LAMA2: variants seen among roughly 807,000 people sequenced by gnomAD.
LAMA2 encodes laminin subunit alpha 2.
In LAMA2, 269 loss-of-function variants were observed where a neutral mutation model predicts 364.8. That is an observed-to-expected ratio of 0.74 (90% CI 0.67 to 0.82). LAMA2 has a LOEUF of 0.82. Ranked by LOEUF, LAMA2 falls within the 40% of genes least tolerant of loss-of-function variation. The pLI is 0.00. For missense variants in LAMA2, 3,807 were observed against 3,873.2 expected (o/e 0.98, Z 0.45); for synonymous variants, 1,379 against 1,370.6 (o/e 1.01, Z -0.14).
intron 49 of LAMA2, among the ~76,000 whole-genome samples, chr6:129,463,200 CAA>C (rs2114806320): frequency 6.6e-6 from 1 of 152,050 alleles, no homozygotes; most frequent in South Asian, 2.1e-4. Flanking sequence ...TACCAGACAT[CAA>C]GGTTCAAAAG....
chr6:129,379,125 A>G (rs748610766), intron 34 of LAMA2, among the ~76,000 whole-genome samples: 13 of 152,340 alleles, frequency 8.5e-5, no homozygotes, highest in South Asian at 2.1e-4. Context: ...CAAATACTGT[A>G]TGTCCCACTT....
intron 15 of LAMA2, among the ~76,000 whole-genome samples, chr6:129,266,036 C>G (rs533458060): frequency 6.6e-6 from 1 of 152,020 alleles, no homozygotes; most frequent in South Asian, 2.1e-4. Context: ...GGAACATTTC[C>G]ACGGAGCATA....
chr6:129,454,070 C>T (rs916137797), intron 46 of LAMA2, 85 bp from the exon 47 acceptor site: 71 of 1,057,296 alleles, frequency 6.7e-5, no homozygotes, highest in Middle Eastern at 4.0e-4. Flanking sequence ...CTGCAAATGG[C>T]GCTTATTGAA....
intron 58 of LAMA2, among the ~76,000 whole-genome samples, chr6:129,498,753 C>T (rs574704244): frequency 2.0e-5 from 3 of 152,230 alleles, no homozygotes; most frequent in African/African-American, 4.8e-5. Context: ...AACAAAGATG[C>T]CAGTTTTGAT....
At chr6:129,217,416 A>ATACTCTCC (rs1783498996) in intron 12 of LAMA2, among the ~76,000 whole-genome samples, 1 of 152,178 alleles carries the variant, frequency 6.6e-6, no homozygotes, top group Non-Finnish European at 1.5e-5. Flanking sequence ...TAGCAATTAT[A>ATACTCTCC]TACTCTCCTC....
chr6:128,883,464 C>A, intron 1 of LAMA2, 107 bp downstream of exon 1: 5 of 1,526,198 alleles, frequency 3.3e-6, no homozygotes, highest in Non-Finnish European at 4.4e-6. Flanking sequence ...TCTTGCTTCG[C>A]CTTCAGAGAG....
chr6:128,960,036 G>C (rs1327790035), intron 1 of LAMA2, among the ~76,000 whole-genome samples: 1 of 152,100 alleles, frequency 6.6e-6, no homozygotes, highest in Non-Finnish European at 1.5e-5. Context: ...TTTTCACATT[G>C]AAGTTGAAGA....
chr6:128,990,427 G>A (rs910212555), intron 1 of LAMA2, among the ~76,000 whole-genome samples: 3 of 152,090 alleles, frequency 2.0e-5, no homozygotes, highest in South Asian at 2.1e-4. Flanking sequence ...CTTCAAATAC[G>A]AATATGCATT....
chr6:129,239,412 C>A (rs1360770009), intron 12 of LAMA2, among the ~76,000 whole-genome samples: 4 of 152,136 alleles, frequency 2.6e-5, no homozygotes, highest in Admixed American at 6.5e-5. Flanking sequence ...AATTGCAGAG[C>A]AGGAAGCAGG....
At chr6:129,026,532 A>G (rs1045708021) in intron 1 of LAMA2, among the ~76,000 whole-genome samples, 2 of 152,212 alleles carry the variant, frequency 1.3e-5, no homozygotes, top group Admixed American at 6.5e-5. Context: ...GTTAGAAGAA[A>G]GAGAATTTAT....
intron 12 of LAMA2, among the ~76,000 whole-genome samples, chr6:129,235,858 A>T (rs1784949941): frequency 6.6e-6 from 1 of 152,128 alleles, no homozygotes; most frequent in South Asian, 2.1e-4. Flanking sequence ...TATATGTGTG[A>T]TGAAATGTGC....
chr6:129,202,823 G>A (rs972823218), intron 12 of LAMA2, among the ~76,000 whole-genome samples: 5 of 152,192 alleles, frequency 3.3e-5, no homozygotes, highest in African/African-American at 1.2e-4. Context: ...TTGAAAGAAT[G>A]TGTCACAGAC....
At chr6:129,499,051 T>C (rs1311674210) in intron 58 of LAMA2, among the ~76,000 whole-genome samples, 2 of 152,140 alleles carry the variant, frequency 1.3e-5, no homozygotes, top group Non-Finnish European at 2.9e-5. Context: ...ACTGCTCTAA[T>C]CAACAGGTGC....
intron 3 of LAMA2, among the ~76,000 whole-genome samples, chr6:129,060,262 G>T (rs776351388): frequency 6.6e-6 from 1 of 152,168 alleles, no homozygotes; most frequent in Non-Finnish European, 1.5e-5. Context: ...TGTGCTGATG[G>T]TGTGTGCACT....
intron 12 of LAMA2, among the ~76,000 whole-genome samples, chr6:129,245,083 T>C (rs889917067): frequency 2.0e-5 from 3 of 152,158 alleles, no homozygotes; most frequent in East Asian, 1.9e-4. Flanking sequence ...TGGAGGTAAA[T>C]TTTTTCCTGC....
At chr6:128,963,212 C>A (rs557649636) in intron 1 of LAMA2, among the ~76,000 whole-genome samples, 1 of 151,912 alleles carries the variant, frequency 6.6e-6, no homozygotes, top group Admixed American at 6.6e-5. Flanking sequence ...GTATTTTTAC[C>A]TTTCTTCCCT....
At chr6:129,270,904 CT>C (rs1411615230) in intron 17 of LAMA2, among the ~76,000 whole-genome samples, 153 bp downstream of exon 17, 6 of 152,024 alleles carry the variant, frequency 3.9e-5, no homozygotes, top group Admixed American at 6.6e-5. Context: ...TTTTTCAAAC[CT>C]AAGATATTTA....
At chr6:128,961,999 C>T (rs1463022869) in intron 1 of LAMA2, among the ~76,000 whole-genome samples, 1 of 150,530 alleles carries the variant, frequency 6.6e-6, no homozygotes, top group Non-Finnish European at 1.5e-5. Flanking sequence ...ACACTTCTTG[C>T]TGTGGTTTGC....
intron 1 of LAMA2, among the ~76,000 whole-genome samples, chr6:128,910,930 C>A (rs1777883154): frequency 6.6e-6 from 1 of 151,460 alleles, no homozygotes; most frequent in Non-Finnish European, 1.5e-5. Flanking sequence ...CTGGGGGGTG[C>A]CTCCCAGTTA....
Sources: gnomAD v4.1 joint callset for allele counts (sites outside exome capture counted in the v4.1 genomes callset) on GRCh38, gnomAD v4.1.1 for gene constraint, MANE v1.5 for transcripts, NCBI Gene and HGNC (gene_info 2026-07-23, HGNC 2026-07-21) for gene names.